The following BRINP2 variants were observed in gnomAD, a reference collection of about 807,000 sequenced individuals.
The protein encoded by BRINP2 is BMP/retinoic acid-inducible neural-specific protein 2.
Under a neutral mutation model 69.2 loss-of-function variants are expected in BRINP2, and 21 were observed. That is an observed-to-expected ratio of 0.30 (90% CI 0.22 to 0.44). The LOEUF (loss-of-function observed/expected upper bound fraction) is 0.44. Among genes scored for constraint, BRINP2 ranks in the 20% least tolerant of loss-of-function variants. BRINP2 has a pLI of 1.00. For missense variants in BRINP2, 877 were observed against 986.0 expected, an observed-to-expected ratio of 0.89 and a Z score of 1.48; for synonymous variants, 380 against 394.1, an observed-to-expected ratio of 0.96 and a Z score of 0.42.
chr1:177,276,962 C>T (rs1301553382), intron 6 of BRINP2, among the ~76,000 whole-genome samples: 3 of 149,666 alleles, frequency 2.0e-5, no homozygotes, highest in South Asian at 2.1e-4. Context: ...CTCAAGGTCT[C>T]GAGTTTCCTC....
intron 2 of BRINP2, among the ~76,000 whole-genome samples, chr1:177,249,996 C>T (rs1296286440): frequency 6.6e-6 from 1 of 152,222 alleles, no homozygotes; most frequent in Non-Finnish European, 1.5e-5. Context: ...TGGCTTAGTA[C>T]TTATGCCTAA....
intron 2 of BRINP2, among the ~76,000 whole-genome samples, chr1:177,253,613 A>G (rs1045270849): frequency 2.9e-4 from 44 of 152,130 alleles, no homozygotes; most frequent in Non-Finnish European, 5.3e-4. Flanking sequence ...ACTTGCCCAC[A>G]TCAATGTCAT....
chr1:177,197,728 A>C (rs1648788019), intron 1 of BRINP2, among the ~76,000 whole-genome samples: 1 of 152,200 alleles, frequency 6.6e-6, no homozygotes, highest in African/African-American at 2.4e-5. Flanking sequence ...AGGAAGAAAG[A>C]TCATATGCAA....
intron 2 of BRINP2, among the ~76,000 whole-genome samples, chr1:177,240,158 TG>T (rs1413432709): frequency 1.3e-5 from 2 of 152,200 alleles, no homozygotes; most frequent in East Asian, 3.9e-4. Flanking sequence ...CTGCCTCACT[TG>T]GGGACACACT....
At chr1:177,236,363 T>C (rs1352253022) in intron 2 of BRINP2, among the ~76,000 whole-genome samples, 2 of 152,246 alleles carry the variant, frequency 1.3e-5, no homozygotes, top group Non-Finnish European at 2.9e-5. Flanking sequence ...CAGACCTATA[T>C]GGAACCCTCT....
chr1:177,204,947 T>C (rs1649029353), intron 1 of BRINP2, among the ~76,000 whole-genome samples: 1 of 152,234 alleles, frequency 6.6e-6, no homozygotes, highest in Admixed American at 6.5e-5. Flanking sequence ...TGTTCTTGTA[T>C]GGCATACTTT....
Position 177,266,041 on chromosome 1 carries a change from G to A in BRINP2, c.670-7447G>A, listed in dbSNP as rs536663647. Among the ~76,000 whole-genome samples, 95 of 151,712 alleles carry A rather than the reference G, an allele frequency of 6.3e-4. 1 individual carries two copies. The highest frequency in any genetic ancestry group is 9.3e-4 in the Non-Finnish European group (63 of 67,918). On this transcript the variant is annotated intron_variant, in intron 4 of 7. Coordinates refer to ENST00000361539, the MANE Select transcript of BRINP2 (RefSeq NM_021165.4). ...AGGCTGAGGCAGGAGAATGGCATGA[G>A]CCCAGGAGCTGGAGCTTGCAGTGAG...
intron 1 of BRINP2, among the ~76,000 whole-genome samples, chr1:177,189,752 T>A (rs1474457128): frequency 6.6e-6 from 1 of 152,188 alleles, no homozygotes; most frequent in East Asian, 1.9e-4. Flanking sequence ...AGTAAGACAT[T>A]GTGCAGCTGC....
chr1:177,282,188 G>C lies in BRINP2; in HGVS notation c.*660G>C, dbSNP rs1208941463. 4 of 152,316 alleles carry C rather than the reference G, an allele frequency of 2.6e-5. No individual in the cohort carries two copies. The highest frequency in any genetic ancestry group is 4.8e-5 in the African/African-American group (2 of 41,352). 9.4% of individuals were successfully genotyped at this position (152,316 alleles called of 1,614,324 possible). A position where few individuals can be genotyped will look rare whatever the true frequency, so the allele number is the denominator to read the frequency against. ...GCCTCCTCCCCCCACCAAGTTTCAG[G>C]GCCCTGGATTGTTCCCAGTTCCCAT... is the stretch of plus-strand genomic sequence containing the variant. On this transcript the variant is annotated 3_prime_UTR_variant, in exon 8 of 8. Transcript: ENST00000361539.
intron 7 of BRINP2, among the ~76,000 whole-genome samples, chr1:177,279,133 A>G (rs1651610355): frequency 1.3e-5 from 2 of 152,322 alleles, no homozygotes; most frequent in Admixed American, 6.5e-5. Context: ...TGAAAAACAC[A>G]CACACTGGCT....
chr1:177,197,843 T>C (rs1278685102), intron 1 of BRINP2, among the ~76,000 whole-genome samples: 1 of 152,140 alleles, frequency 6.6e-6, no homozygotes, highest in Non-Finnish European at 1.5e-5. Context: ...GGTATGAGGA[T>C]GTGACAAGAA....
intron 1 of BRINP2, among the ~76,000 whole-genome samples, chr1:177,199,906 C>T (rs1206380342): frequency 6.6e-6 from 1 of 152,184 alleles, no homozygotes; most frequent in Non-Finnish European, 1.5e-5. Flanking sequence ...TTCACAGCTA[C>T]TGTCCTAGTC....
At chr1:177,187,801 C>A (rs749934339) in intron 1 of BRINP2, among the ~76,000 whole-genome samples, 2 of 152,110 alleles carry the variant, frequency 1.3e-5, no homozygotes, top group Admixed American at 6.5e-5. Context: ...TTGTTTGAAG[C>A]TAAGTGATAG....
intron 1 of BRINP2, among the ~76,000 whole-genome samples, chr1:177,188,097 T>C (rs1189587349): frequency 6.6e-6 from 1 of 151,406 alleles, no homozygotes; most frequent in Non-Finnish European, 1.5e-5. Flanking sequence ...CATAATTGCT[T>C]GATAAATAAC....
At chr1:177,240,618 G>T (rs1296806675) in intron 2 of BRINP2, among the ~76,000 whole-genome samples, 3 of 152,284 alleles carry the variant, frequency 2.0e-5, no homozygotes, top group Non-Finnish European at 4.4e-5. Flanking sequence ...CTCCGTAAAA[G>T]AAATGTGACT....
At chr1:177,193,545 T>C (rs1373740336) in intron 1 of BRINP2, among the ~76,000 whole-genome samples, 2 of 152,230 alleles carry the variant, frequency 1.3e-5, no homozygotes, top group Admixed American at 1.3e-4. Context: ...AGGAACCATA[T>C]AATTGAACGA....
At chr1:177,228,994 G>A (rs1286395393) in intron 1 of BRINP2, among the ~76,000 whole-genome samples, 1 of 152,128 alleles carries the variant, frequency 6.6e-6, no homozygotes, top group East Asian at 1.9e-4. Context: ...AGCTGGTATA[G>A]AAAGATACAG....
At chr1:177,214,761 A>G (rs1649327691) in intron 1 of BRINP2, among the ~76,000 whole-genome samples, 3 of 152,232 alleles carry the variant, frequency 2.0e-5, no homozygotes, top group Non-Finnish European at 4.4e-5. Context: ...ATTATTTTTT[A>G]GGATTTTAAA....
chr1:177,263,831 T>C (rs1651033973), intron 4 of BRINP2, among the ~76,000 whole-genome samples: 1 of 152,182 alleles, frequency 6.6e-6, no homozygotes, highest in Non-Finnish European at 1.5e-5. Flanking sequence ...TTTTTACTCT[T>C]AACTCTCTTC....
Sources: gnomAD v4.1 joint callset for allele counts (sites outside exome capture counted in the v4.1 genomes callset) on GRCh38, gnomAD v4.1.1 for gene constraint, MANE v1.5 for transcripts, NCBI Gene and HGNC (gene_info 2026-07-23, HGNC 2026-07-21) for gene names.